The following LHFPL3 variants were observed in gnomAD, a reference collection of about 807,000 sequenced individuals.
LHFPL3 encodes the protein LHFPL tetraspan subfamily member 3 protein.
LHFPL3 carries 5 observed loss-of-function variants against 19.3 expected under a neutral mutation model. That is an observed-to-expected ratio of 0.26 (90% CI 0.14 to 0.54). LHFPL3 has a LOEUF of 0.54. Ranked by LOEUF, LHFPL3 falls within the 20% of genes least tolerant of loss-of-function variation. The probability of loss-of-function intolerance (pLI) is 0.94; values close to 1 mark genes in which losing one functional copy is unlikely to be tolerated. For missense variants in LHFPL3, 249 were observed against 307.4 expected (o/e 0.81, Z 1.42); for synonymous variants, 133 against 126.2 (o/e 1.05, Z -0.36).
chr7:104,651,230 AC>A (rs1792029262), intron 1 of LHFPL3, among the ~76,000 whole-genome samples: 1 of 152,206 alleles, frequency 6.6e-6, no homozygotes, highest in Admixed American at 6.5e-5. Context: ...CTCTTCCATG[AC>A]CTAAAATCAT....
intron 1 of LHFPL3, among the ~76,000 whole-genome samples, chr7:104,670,861 G>GTTTTTTTTTTTTTTT (rs765180265): frequency 6.8e-6 from 1 of 146,448 alleles, no homozygotes. Flanking sequence ...AATGTGTTTT[G>GTTTTTTTTTTTTTTT]TTTTGTTTTT....
intron 1 of LHFPL3, among the ~76,000 whole-genome samples, chr7:104,510,869 G>C (rs931559648): frequency 1.1e-4 from 16 of 152,130 alleles, no homozygotes; most frequent in Non-Finnish European, 8.8e-5. Context: ...TGGACACATA[G>C]AGCAGAACAA....
At chr7:104,735,102 G>A (rs942637894) in intron 1 of LHFPL3, among the ~76,000 whole-genome samples, 11 of 152,306 alleles carry the variant, frequency 7.2e-5, no homozygotes, top group East Asian at 1.9e-4. Context: ...GGGGTACCCC[G>A]CCATGTGAGG....
chr7:104,853,504 CGTGACTTCA>C (rs1791448823), intron 2 of LHFPL3, among the ~76,000 whole-genome samples: 1 of 152,112 alleles, frequency 6.6e-6, no homozygotes, highest in African/African-American at 2.4e-5. Flanking sequence ...ATGCAGACTG[CGTGACTTCA>C]GTGATTGTAC....
chr7:104,614,126 C>T (rs1198070333), intron 1 of LHFPL3, among the ~76,000 whole-genome samples: 2 of 152,120 alleles, frequency 1.3e-5, no homozygotes, highest in Admixed American at 6.6e-5. Flanking sequence ...AAAGTAAATC[C>T]TCTAAGAAAA....
intron 2 of LHFPL3, among the ~76,000 whole-genome samples, chr7:104,824,279 AAT>A (rs1350459649): frequency 2.9e-4 from 3 of 10,388 alleles, no homozygotes; most frequent in Admixed American, 2.1e-3. Context: ...TATTATATAC[AAT>A]ATATATAATA....
intron 1 of LHFPL3, among the ~76,000 whole-genome samples, chr7:104,732,771 T>G (rs1478575188): frequency 6.6e-6 from 1 of 152,220 alleles, no homozygotes; most frequent in African/African-American, 2.4e-5. Context: ...TGCTAGCTTT[T>G]GAATGTGTTT....
rs1801509888 is a variant in LHFPL3 at position 104,328,727 on chromosome 7, G to A, written c.-53G>A. On this transcript the variant is annotated 5_prime_UTR_variant, in exon 1 of 3. Transcript: ENST00000424859. The surrounding 1 kb of genome is among the most constrained non-coding windows in gnomAD (Gnocchi z 4.6). ...GAGTGTGTCTCCTGCGCGCTGAGAG[G>A]CGGGGGGAGGCGGAGGACCAGGAGG... 2.0e-6 allele frequency: 3 copies of A among 1,475,364 alleles called. No individual in the cohort carries two copies. The highest frequency in any genetic ancestry group is 4.9e-5 in the East Asian group (2 of 40,476). 91.4% of individuals were successfully genotyped at this position (1,475,364 alleles called of 1,614,324 possible). A position where few individuals can be genotyped will look rare whatever the true frequency, so the allele number is the denominator to read the frequency against.
intron 2 of LHFPL3, among the ~76,000 whole-genome samples, chr7:104,879,731 C>A (rs1792012451): frequency 1.3e-5 from 2 of 152,222 alleles, no homozygotes; most frequent in African/African-American, 4.8e-5. Context: ...CAAAATGAAG[C>A]AGCAAATGCT....
chr7:104,402,651 C>T (rs1256811226), intron 1 of LHFPL3, among the ~76,000 whole-genome samples: 1 of 152,170 alleles, frequency 6.6e-6, no homozygotes, highest in Non-Finnish European at 1.5e-5. Context: ...GTGGGGTGAC[C>T]CAAGAGCCAC....
At chr7:104,458,578 A>T (rs1314219136) in intron 1 of LHFPL3, among the ~76,000 whole-genome samples, 2 of 152,088 alleles carry the variant, frequency 1.3e-5, no homozygotes, top group Non-Finnish European at 2.9e-5. Flanking sequence ...CTTTTGGCTT[A>T]GGATTGACTT....
At chr7:104,686,582 T>C (rs954048269) in intron 1 of LHFPL3, among the ~76,000 whole-genome samples, 2 of 152,092 alleles carry the variant, frequency 1.3e-5, no homozygotes, top group African/African-American at 4.8e-5. Flanking sequence ...TCCTCTAATT[T>C]CACCCAATTC....
At chr7:104,754,348 G>A (rs955190436) in intron 2 of LHFPL3, among the ~76,000 whole-genome samples, 2 of 152,176 alleles carry the variant, frequency 1.3e-5, no homozygotes, top group Admixed American at 1.3e-4. Flanking sequence ...TACGTTAATG[G>A]TTGCCTATGG....
chr7:104,712,972 G>A (rs189810104), intron 1 of LHFPL3, among the ~76,000 whole-genome samples: 1 of 152,214 alleles, frequency 6.6e-6, no homozygotes, highest in East Asian at 1.9e-4. Context: ...AGCTTGAAGA[G>A]GCAGAGTGGG....
intron 1 of LHFPL3, among the ~76,000 whole-genome samples, chr7:104,390,476 T>G (rs1261784536): frequency 6.6e-6 from 1 of 152,176 alleles, no homozygotes; most frequent in East Asian, 1.9e-4. Flanking sequence ...CTGAGAATGA[T>G]GGTTTCCAGC....
intron 1 of LHFPL3, among the ~76,000 whole-genome samples, chr7:104,393,216 C>T (rs931397369): frequency 1.3e-5 from 2 of 152,000 alleles, no homozygotes; most frequent in Non-Finnish European, 1.5e-5. Flanking sequence ...CCTTGCTGGT[C>T]GTAATGTAAG....
chr7:104,541,338 C>T (rs973166817), intron 1 of LHFPL3, among the ~76,000 whole-genome samples: 3 of 152,118 alleles, frequency 2.0e-5, no homozygotes, highest in African/African-American at 7.2e-5. Flanking sequence ...GGGTCAAGGA[C>T]AGTGTGATTC....
chr7:104,808,405 A>ACTGT (rs1163624737), intron 2 of LHFPL3, among the ~76,000 whole-genome samples: 1 of 152,168 alleles, frequency 6.6e-6, no homozygotes, highest in East Asian at 1.9e-4. Flanking sequence ...TCAGCTAGAA[A>ACTGT]CTGTCAGGGC....
At chr7:104,834,556 G>C (rs1479223208) in intron 2 of LHFPL3, among the ~76,000 whole-genome samples, 5 of 151,980 alleles carry the variant, frequency 3.3e-5, no homozygotes, top group Admixed American at 3.3e-4. Flanking sequence ...GACCAAGATG[G>C]CAAGTTCAGC....
Sources: gnomAD v4.1 joint callset for allele counts (sites outside exome capture counted in the v4.1 genomes callset) on GRCh38, gnomAD v4.1.1 for gene constraint, Gnocchi (gnomAD v3.1) non-coding constraint, MANE v1.5 for transcripts, NCBI Gene and HGNC (gene_info 2026-07-23, HGNC 2026-07-21) for gene names.